The following PDE1C variants were observed in gnomAD, a reference collection of about 807,000 sequenced individuals.
PDE1C encodes dual specificity calcium/calmodulin-dependent 3',5'-cyclic nucleotide phosphodiesterase 1C.
PDE1C carries 62 observed loss-of-function variants against 93.1 expected under a neutral mutation model. The observed-to-expected ratio is 0.67, with a 90% CI of 0.54 to 0.82. PDE1C has a LOEUF of 0.82. Ranked by LOEUF, PDE1C falls within the 40% of genes least tolerant of loss-of-function variation. PDE1C has a pLI of 0.00. For synonymous variants in PDE1C, 325 were observed against 310.1 expected (o/e 1.05, Z -0.50); for missense variants, 742 against 884.6 (o/e 0.84, Z 2.04).
At chr7:31,652,670 G>A in the PDE1C span, 1 of 1,613,888 alleles carries the variant, frequency 6.2e-7, no homozygotes, top group Non-Finnish European at 8.5e-7. Context: ...ATGGCCAGGA[G>A]GCTCCCTGTT....
At chr7:32,210,808 T>C (rs1805966142) in intron 1 of PDE1C, among the ~76,000 whole-genome samples, 1 of 152,198 alleles carries the variant, frequency 6.6e-6, no homozygotes, top group African/African-American at 2.4e-5. Context: ...TGCTTTATCA[T>C]CTGCACTCTT....
intron 7 of PDE1C, among the ~76,000 whole-genome samples, chr7:31,856,534 T>G (rs927272319): frequency 1.3e-5 from 2 of 152,204 alleles, no homozygotes; most frequent in African/African-American, 2.4e-5. Flanking sequence ...CTGTGCATGA[T>G]TCACTTTTAT....
At position 32,304,802 on chromosome 7, in the gene PDE1C, G is replaced by T. The variant is rs540033511; in HGVS notation, c.311-95263C>A. ...ATAATGTATGTAAAAGACTTACCCT[G>T]GACTCAACCCATAGTAAACATTCAA... On this transcript the variant is annotated intron_variant, in intron 1 of 1. Coordinates refer to the PDE1C transcript ENST00000672256. Among the ~76,000 whole-genome samples, 5 of 151,926 alleles carry T rather than the reference G, an allele frequency of 3.3e-5. No homozygotes were observed. In the East Asian group the frequency reaches 9.7e-4, roughly 29 times the overall value.
chr7:31,874,368 A>G (rs547619575), intron 5 of PDE1C, among the ~76,000 whole-genome samples: 2 of 152,340 alleles, frequency 1.3e-5, no homozygotes, highest in South Asian at 2.1e-4. Context: ...CAGCACCAAA[A>G]TCTCACTTCC....
At chr7:31,707,279 T>A in the PDE1C span, 2 of 1,613,274 alleles carry the variant, frequency 1.2e-6, no homozygotes, top group Non-Finnish European at 1.7e-6. Flanking sequence ...AAGATAGCTA[T>A]TTAAAGATAG....
intron 16 of PDE1C, among the ~76,000 whole-genome samples, chr7:31,807,462 A>C (rs981998203): frequency 2.6e-5 from 4 of 151,770 alleles, no homozygotes; most frequent in Non-Finnish European, 5.9e-5. Flanking sequence ...TTCAGTTACA[A>C]AGGGCGCAGT....
chr7:31,967,953 G>A lies in PDE1C; in HGVS notation c.128+83601C>T, dbSNP rs1212592186. On this transcript the variant is annotated intron_variant, in intron 2 of 17. Transcript: ENST00000396191. ...TCCATAAATTAGGTATTGATGGCAC[G>A]TATCTCAAAATAATAAGAGCTGTCT... Among the ~76,000 whole-genome samples, 12 of 152,212 alleles carry A rather than the reference G, an allele frequency of 7.9e-5. No homozygotes were observed. The Middle Eastern group carries it at 0.01, about 129-fold the overall frequency.
intron 3 of PDE1C, among the ~76,000 whole-genome samples, chr7:32,085,906 G>C (rs913595141): frequency 1.0e-4 from 15 of 147,406 alleles, no homozygotes; most frequent in African/African-American, 3.8e-4. Flanking sequence ...CATACTGAAT[G>C]GGCAAAAACT....
At chr7:32,021,757 A>G (rs909368314) in intron 2 of PDE1C, among the ~76,000 whole-genome samples, 1 of 152,090 alleles carries the variant, frequency 6.6e-6, no homozygotes. Flanking sequence ...CAGGTAGACA[A>G]TAATTTTCCT....
rs766438247 is a variant in PDE1C at position 32,216,821 on chromosome 7, G to A, written c.86-7282C>T. On this transcript the variant is annotated intron_variant, in intron 1 of 18. Coordinates refer to the PDE1C transcript ENST00000396193. ...CAAAGTCCATGCCTCTTCCACCTTT[G>A]TCTCTTTGCCTTCCAAGGAGGGGAG... is the stretch of plus-strand genomic sequence containing the variant. 3.3e-5 allele frequency among the ~76,000 whole-genome samples: 5 copies of A among 152,230 alleles called. No individual in the cohort carries two copies. The South Asian group carries it at 1.0e-3, about 32-fold the overall frequency.
At chr7:31,717,493 A>C in the PDE1C span, among the ~76,000 whole-genome samples, 1 of 152,178 alleles carries the variant, frequency 6.6e-6, no homozygotes, top group Non-Finnish European at 1.5e-5. Context: ...AAGGTAGGGG[A>C]AGATTGCATC....
At chr7:32,005,889 C>T (rs995884263) in intron 2 of PDE1C, among the ~76,000 whole-genome samples, 7 of 152,044 alleles carry the variant, frequency 4.6e-5, no homozygotes, top group Non-Finnish European at 8.8e-5. Flanking sequence ...TTTTTCTGCA[C>T]GTACTGTTAC....
intron 7 of PDE1C, among the ~76,000 whole-genome samples, chr7:31,862,415 G>A (rs1794787304): frequency 6.6e-6 from 1 of 152,184 alleles, no homozygotes. Context: ...ATTTCTCACA[G>A]TTCTGGAGGC....
At chr7:31,720,555 T>A in the PDE1C span, among the ~76,000 whole-genome samples, 6 of 152,206 alleles carry the variant, frequency 3.9e-5, no homozygotes, top group Non-Finnish European at 8.8e-5. Context: ...ATAGGAACAA[T>A]GTCCCTGGCG....
intron 2 of PDE1C, among the ~76,000 whole-genome samples, chr7:32,025,896 A>G (rs1184326242): frequency 6.6e-6 from 1 of 152,132 alleles, no homozygotes; most frequent in African/African-American, 2.4e-5. Flanking sequence ...GTGCCTTTTC[A>G]GGCCAACCAC....
At chr7:31,794,387 T>G (rs1223430485) in intron 16 of PDE1C, among the ~76,000 whole-genome samples, 2 of 151,902 alleles carry the variant, frequency 1.3e-5, no homozygotes, top group African/African-American at 4.8e-5. Flanking sequence ...TTCCTTTTGC[T>G]CCACTGCATC....
the PDE1C span, among the ~76,000 whole-genome samples, chr7:31,736,122 G>T: frequency 3.3e-5 from 5 of 152,160 alleles, no homozygotes; most frequent in African/African-American, 1.2e-4. Context: ...ACAAAGGGCT[G>T]ATTGATTGTA....
the PDE1C span, among the ~76,000 whole-genome samples, chr7:31,734,971 T>C: frequency 6.6e-6 from 1 of 152,168 alleles, no homozygotes; most frequent in Non-Finnish European, 1.5e-5. Flanking sequence ...ACTCTAAGTA[T>C]GGTCCCCCAA....
intron 1 of PDE1C, among the ~76,000 whole-genome samples, chr7:32,398,784 T>C (rs1369849931): frequency 6.6e-6 from 1 of 151,862 alleles, no homozygotes; most frequent in Non-Finnish European, 1.5e-5. Context: ...TCTCCTTCCA[T>C]CCTCCATTCT....
Sources: gnomAD v4.1 joint callset for allele counts (sites outside exome capture counted in the v4.1 genomes callset) on GRCh38, gnomAD v4.1.1 for gene constraint, MANE v1.5 for transcripts, NCBI Gene and HGNC (gene_info 2026-07-23, HGNC 2026-07-21) for gene names.